ELMO1: variants seen among roughly 807,000 people sequenced by gnomAD.
The protein encoded by ELMO1 is engulfment and cell motility 1.
ELMO1 carries 26 observed loss-of-function variants against 98.9 expected under a neutral mutation model. That is an observed-to-expected ratio of 0.26 (90% CI 0.19 to 0.36). The LOEUF (loss-of-function observed/expected upper bound fraction) is 0.36. Among genes scored for constraint, ELMO1 ranks in the 10% least tolerant of loss-of-function variants. The probability of loss-of-function intolerance (pLI) is 1.00; values close to 1 mark genes in which losing one functional copy is unlikely to be tolerated. For missense variants in ELMO1, 627 were observed against 935.2 expected, an observed-to-expected ratio of 0.67 and a Z score of 4.30; for synonymous variants, 346 against 346.0, an observed-to-expected ratio of 1.00 and a Z score of 0.00.
chr7:37,233,794 TC>T (rs1473468732), intron 7 of ELMO1, among the ~76,000 whole-genome samples: 1 of 152,234 alleles, frequency 6.6e-6, no homozygotes, highest in Non-Finnish European at 1.5e-5. Context: ...GTAAACATAC[TC>T]ATTTTGATTT....
Position 37,176,684 on chromosome 7 carries a change from C to G in ELMO1, c.1086+34702G>C, listed in dbSNP as rs183888110. ...TTCCCTCCTATTACAATTATTTGAC[C>G]ATTTACAAAATGACCAAAAACTGGA... On this transcript the variant is annotated intron_variant, in intron 13 of 21. Coordinates refer to ENST00000310758, the MANE Select transcript of ELMO1 (RefSeq NM_014800.11). Among the ~76,000 whole-genome samples the G allele has an allele frequency of 5.5e-4, 84 of 152,262 alleles. 1 individual carries two copies. The highest frequency in any genetic ancestry group is 5.2e-3 in the Admixed American group (80 of 15,294).
chr7:36,997,748 G>C lies in ELMO1; in HGVS notation c.1437+15551C>G, dbSNP rs543325325. 3 of 152,852 alleles carry C rather than the reference G, an allele frequency of 2.0e-5. No homozygotes were observed. In the East Asian group the frequency reaches 5.8e-4, roughly 29 times the overall value. The allele number at this position is 152,852 out of a possible 1,614,324, so 9.5% of individuals were successfully genotyped here. A position where few individuals can be genotyped will look rare whatever the true frequency, so the allele number is the denominator to read the frequency against. On this transcript the variant is annotated intron_variant, in intron 16 of 21. Coordinates refer to ENST00000310758, the MANE Select transcript of ELMO1 (RefSeq NM_014800.11). ...TGAAGGTGGGGAGGAGGCAGTGGTAGGAGAGGAAAAGAGGAGGGCCTCAGG... is the reference window on the plus strand; with the variant it reads ...TGAAGGTGGGGAGGAGGCAGTGGTACGAGAGGAAAAGAGGAGGGCCTCAGG...
intron 14 of ELMO1, among the ~76,000 whole-genome samples, chr7:37,129,748 T>C (rs1235228387): frequency 6.6e-6 from 1 of 152,206 alleles, no homozygotes; most frequent in Non-Finnish European, 1.5e-5. Context: ...CTCACATTGG[T>C]TTTCTAGCGG....
At chr7:37,003,143 G>A (rs146920359) in intron 16 of ELMO1, among the ~76,000 whole-genome samples, 5 of 152,224 alleles carry the variant, frequency 3.3e-5, no homozygotes, top group African/African-American at 4.8e-5. Context: ...AGAAGGAGGC[G>A]GGCAGAAGAA....
chr7:37,200,936 C>T (rs1792256889), intron 13 of ELMO1, among the ~76,000 whole-genome samples: 1 of 145,846 alleles, frequency 6.9e-6, no homozygotes, highest in Non-Finnish European at 1.5e-5. Context: ...AAGTGAGACT[C>T]TGTCTCAATA....
At chr7:37,234,323 T>C (rs1764523340) in intron 7 of ELMO1, among the ~76,000 whole-genome samples, 1 of 152,222 alleles carries the variant, frequency 6.6e-6, no homozygotes, top group South Asian at 2.1e-4. Context: ...CCAACTAGTT[T>C]TATTTCCAAC....
chr7:37,425,155 C>T (rs1804648493), intron 1 of ELMO1, among the ~76,000 whole-genome samples: 1 of 152,128 alleles, frequency 6.6e-6, no homozygotes, highest in African/African-American at 2.4e-5. Flanking sequence ...AAATTTACTT[C>T]TCATAGTTCT....
chr7:37,442,214 T>C (rs991686377), intron 1 of ELMO1, among the ~76,000 whole-genome samples: 19 of 152,138 alleles, frequency 1.2e-4, no homozygotes, highest in African/African-American at 4.3e-4. Flanking sequence ...GAAATGTCAA[T>C]AGCACTGAGG....
At chr7:36,941,986 G>A (rs761617522) in intron 16 of ELMO1, among the ~76,000 whole-genome samples, 2 of 152,194 alleles carry the variant, frequency 1.3e-5, no homozygotes, top group Non-Finnish European at 2.9e-5. Context: ...ATTTGAAATC[G>A]TGTTAGTAAG....
intron 15 of ELMO1, among the ~76,000 whole-genome samples, chr7:37,033,898 G>A (rs769766087): frequency 1.1e-4 from 17 of 152,230 alleles, no homozygotes; most frequent in Non-Finnish European, 2.2e-4. Flanking sequence ...GGGAGGAAGC[G>A]AACAGTTAGC....
chr7:36,994,561 G>T (rs990742738), intron 16 of ELMO1, among the ~76,000 whole-genome samples: 3 of 152,154 alleles, frequency 2.0e-5, no homozygotes, highest in Admixed American at 2.0e-4. Flanking sequence ...TACAGCCATG[G>T]GGATGAGGAT....
At chr7:37,391,516 G>T (rs912927119) in intron 1 of ELMO1, among the ~76,000 whole-genome samples, 4 of 152,130 alleles carry the variant, frequency 2.6e-5, no homozygotes, top group African/African-American at 4.8e-5. Flanking sequence ...TCTTATGTTC[G>T]ACCAGTGTAA....
intron 15 of ELMO1, among the ~76,000 whole-genome samples, chr7:37,049,819 C>T (rs1461142444): frequency 4.0e-5 from 6 of 149,720 alleles, no homozygotes. Flanking sequence ...CTCTTGTTGC[C>T]CAGACTGGAG....
chr7:37,359,226 A>G (rs1046160015), intron 1 of ELMO1, among the ~76,000 whole-genome samples: 5 of 152,252 alleles, frequency 3.3e-5, no homozygotes, highest in Non-Finnish European at 4.4e-5. Flanking sequence ...TTTACTGCAG[A>G]TTACATCTAA....
chr7:37,394,984 G>A (rs941808033), intron 1 of ELMO1, among the ~76,000 whole-genome samples: 2 of 152,164 alleles, frequency 1.3e-5, no homozygotes, highest in African/African-American at 2.4e-5. Flanking sequence ...TTAGTTCCCA[G>A]TGTTACCTCC....
intron 13 of ELMO1, among the ~76,000 whole-genome samples, chr7:37,195,074 G>T (rs146869280): frequency 1.3e-5 from 2 of 152,314 alleles, no homozygotes; most frequent in Non-Finnish European, 2.9e-5. Flanking sequence ...ACTACGTGCT[G>T]AAACGGGGGT....
intron 16 of ELMO1, among the ~76,000 whole-genome samples, chr7:36,906,884 T>C (rs1784003065): frequency 6.6e-6 from 1 of 152,196 alleles, no homozygotes; most frequent in Admixed American, 6.5e-5. Context: ...ACAAAGTGAT[T>C]TATTATGCAC....
intron 18 of ELMO1, among the ~76,000 whole-genome samples, chr7:36,884,810 T>C (rs3778713): frequency 0.43 from 64,686 of 152,022 alleles, 14,327 homozygotes; most frequent in African/African-American, 0.53. Context: ...ATATTTTCCC[T>C]TATAAAGTTA....
chr7:37,066,453 G>C (rs1043441834), intron 15 of ELMO1, among the ~76,000 whole-genome samples: 3 of 152,188 alleles, frequency 2.0e-5, no homozygotes, highest in African/African-American at 7.2e-5. Context: ...GTGGCCACTG[G>C]GTTGTCCCTT....
Sources: gnomAD v4.1 joint callset for allele counts (sites outside exome capture counted in the v4.1 genomes callset) on GRCh38, gnomAD v4.1.1 for gene constraint, MANE v1.5 for transcripts, NCBI Gene and HGNC (gene_info 2026-07-23, HGNC 2026-07-21) for gene names.